PIR: variants seen among roughly 807,000 people sequenced by gnomAD.
PIR encodes the protein pirin.
In PIR, 22 loss-of-function variants were observed where a neutral mutation model predicts 24.2. That is an observed-to-expected ratio of 0.91 (90% CI 0.65 to 1.30). The LOEUF (loss-of-function observed/expected upper bound fraction) is 1.30, where lower values mean the gene tolerates loss of function less well. PIR is among the 50% of genes most tolerant of loss of function. The pLI is 0.00. For missense variants in PIR, 220 were observed against 220.3 expected (o/e 1.00, Z 0.01); for synonymous variants, 80 against 79.6 (o/e 1.00, Z -0.03).
At position 15,384,925 on chromosome X, in the gene PIR, A is replaced by T. The variant is rs1923686065; in HGVS notation, c.*79T>A. ...GAAGCACCGGCTAAATAAGCTTTAG[A>T]AATGGAATGCCTTCAATGGCTCAAT... On this transcript the variant is annotated 3_prime_UTR_variant, in exon 10 of 10. Transcript: ENST00000380420. 5 of 497,945 alleles carry T rather than the reference A, an allele frequency of 1.0e-5. No homozygotes were observed. Among genetic ancestry groups the T allele is most frequent in the African/African-American group, 7.2e-5 (3 of 41,878 alleles). 41.0% of individuals were successfully genotyped at this position (497,945 alleles called of 1,213,427 possible).
intron 2 of PIR, among the ~76,000 whole-genome samples, chrX:15,484,338 A>G (rs1276850890): frequency 1.4e-5 from 1 of 72,921 alleles, no homozygotes; most frequent in African/African-American, 4.9e-5. Context: ...TTTTTGAGAC[A>G]GGGTCTCATT....
intron 3 of PIR, among the ~76,000 whole-genome samples, chrX:15,465,014 G>A (rs763877799): frequency 9.0e-6 from 1 of 111,487 alleles, no homozygotes; most frequent in South Asian, 3.7e-4. Context: ...AAATCTAAGT[G>A]GACATCAAGA....
chrX:15,442,406 G>A (rs951038765), intron 5 of PIR, among the ~76,000 whole-genome samples: 17 of 110,980 alleles, frequency 1.5e-4, no homozygotes, highest in African/African-American at 5.3e-4. Context: ...ACACAATATT[G>A]AAATGAGACC....
chrX:15,480,096 T>C (rs183751086), intron 2 of PIR, among the ~76,000 whole-genome samples: 2 of 111,270 alleles, frequency 1.8e-5, no homozygotes, highest in Admixed American at 1.9e-4. Flanking sequence ...GACAGGTCTT[T>C]CCTGTGCTGT....
At position 15,446,206 on chromosome X, in the gene PIR, T is replaced by G. The variant is rs1240117420; in HGVS notation, c.480+9642A>C. Among the ~76,000 whole-genome samples the G allele has an allele frequency of 6.2e-5, 7 of 112,087 alleles. No individual in the cohort carries two copies. The East Asian group carries it at 2.0e-3, about 31-fold the overall frequency. On this transcript the variant is annotated intron_variant, in intron 5 of 9. Coordinates refer to ENST00000380420, the MANE Select transcript of PIR (RefSeq NM_001018109.3). ...AACTAAGAGAGAGAAACACACAAAT[T>G]ACCAAATTTTACATAAGAAAGATAA...
intron 5 of PIR, among the ~76,000 whole-genome samples, chrX:15,445,820 CTTTTTTT>C (rs1192838504): frequency 8.8e-4 from 57 of 64,911 alleles, no homozygotes; most frequent in East Asian, 3.0e-3. Context: ...CAAGATATTT[CTTTTTTT>C]TTTTTTTTTT....
intron 6 of PIR, among the ~76,000 whole-genome samples, chrX:15,408,709 C>A (rs779215593): frequency 5.5e-4 from 61 of 111,737 alleles, no homozygotes; most frequent in Non-Finnish European, 9.4e-4. Flanking sequence ...AAAAGGAGAT[C>A]TGGAAAGAGA....
chrX:15,410,255 A>AAAAAC (rs371317022), intron 6 of PIR, among the ~76,000 whole-genome samples: 1,370 of 110,679 alleles, frequency 0.012, 21 homozygotes, highest in African/African-American at 0.038. Context: ...TGTCTCGGAA[A>AAAAAC]AAAACAAAAC....
At chrX:15,402,234 A>C (rs1266523098) in intron 7 of PIR, among the ~76,000 whole-genome samples, 1 of 111,565 alleles carries the variant, frequency 9.0e-6, no homozygotes, top group East Asian at 2.8e-4. Flanking sequence ...ATGCAAAAAA[A>C]GAAAGAAAGA....
intron 6 of PIR, among the ~76,000 whole-genome samples, chrX:15,417,978 A>G (rs1263601800): frequency 8.9e-6 from 1 of 111,980 alleles, no homozygotes; most frequent in Non-Finnish European, 1.9e-5. Context: ...AGATTCTGGA[A>G]ACTGGGACGT....
chrX:15,455,385 A>G (rs1921040404), intron 5 of PIR, among the ~76,000 whole-genome samples: 1 of 112,437 alleles, frequency 8.9e-6, no homozygotes, highest in African/African-American at 3.2e-5. Flanking sequence ...TTAAAAATAA[A>G]CTTTCTGCAA....
chrX:15,460,039 T>A (rs1208073302), intron 3 of PIR, among the ~76,000 whole-genome samples: 1 of 111,528 alleles, frequency 9.0e-6, no homozygotes, highest in Non-Finnish European at 1.9e-5. Flanking sequence ...AAAGCTACAA[T>A]GAGATATCAT....
intron 3 of PIR, chrX:15,464,566 C>A: frequency 3.6e-6 from 1 of 279,806 alleles, no homozygotes; most frequent in Non-Finnish European, 4.9e-6. Flanking sequence ...ACATGTAGGA[C>A]AATGCAGCTC....
At chrX:15,462,022 T>C (rs1033779068) in intron 3 of PIR, among the ~76,000 whole-genome samples, 1 of 111,713 alleles carries the variant, frequency 9.0e-6, no homozygotes, top group Admixed American at 9.5e-5. Flanking sequence ...AGGCATTTTG[T>C]GTAGATAGAA....
At chrX:15,427,008 T>A (rs1925339278) in intron 5 of PIR, among the ~76,000 whole-genome samples, 1 of 111,852 alleles carries the variant, frequency 8.9e-6, no homozygotes, top group Admixed American at 9.5e-5. Flanking sequence ...AAATGAAATG[T>A]AATATACAGT....
chrX:15,402,116 C>A lies in PIR; in HGVS notation c.611-4585G>T, dbSNP rs141714811. ...ATTGCTTGAGCCCAGGAGTTCAAGACCAGCCTAGGCAACATAGGGAGACCC... is the reference window on the plus strand; with the variant it reads ...ATTGCTTGAGCCCAGGAGTTCAAGAACAGCCTAGGCAACATAGGGAGACCC... On this transcript the variant is annotated intron_variant, in intron 7 of 9. Transcript: ENST00000380420. Among the ~76,000 whole-genome samples the A allele has an allele frequency of 6.2e-4, 69 of 111,614 alleles. No homozygotes were observed. In the East Asian group the frequency reaches 0.013, roughly 22 times the overall value.
intron 9 of PIR, among the ~76,000 whole-genome samples, chrX:15,387,599 T>C (rs774956488): frequency 5.4e-5 from 6 of 111,241 alleles, no homozygotes; most frequent in Non-Finnish European, 1.1e-4. Context: ...GAGGGTACCC[T>C]GGGGAAGACA....
chrX:15,453,564 GTTA>G (rs1257139579), intron 5 of PIR, among the ~76,000 whole-genome samples: 3 of 112,139 alleles, frequency 2.7e-5, no homozygotes, highest in Non-Finnish European at 5.6e-5. Context: ...TCCAAGAAGC[GTTA>G]TTATTAAAAT....
intron 7 of PIR, among the ~76,000 whole-genome samples, chrX:15,407,014 G>A (rs2147013502): frequency 8.9e-6 from 1 of 111,986 alleles, no homozygotes; most frequent in African/African-American, 3.2e-5. Context: ...GCATTGGTTA[G>A]GTCTCAAACA....
Sources: allele counts gnomAD v4.1 joint callset (sites outside exome capture counted in the v4.1 genomes callset), GRCh38; gene constraint gnomAD v4.1.1; transcripts MANE v1.5; gene names NCBI Gene and HGNC (gene_info 2026-07-23, HGNC 2026-07-21).